The following SLC13A5 variants were observed in gnomAD, a reference collection of about 807,000 sequenced individuals.
The protein encoded by SLC13A5 is solute carrier family 13 member 5, also known as Na(+)/citrate cotransporter.
A neutral mutation model predicts 56.5 loss-of-function variants in SLC13A5; 25 were observed. The ratio of observed to expected loss-of-function variants is 0.44; its 90% confidence interval spans 0.32 to 0.62. SLC13A5 has a LOEUF of 0.62. Ranked by LOEUF, SLC13A5 falls within the 20% of genes least tolerant of loss-of-function variation. SLC13A5 has a pLI of 0.04. For missense variants in SLC13A5, 649 were observed against 737.8 expected (o/e 0.88, Z 1.39); for synonymous variants, 307 against 301.5 (o/e 1.02, Z -0.19).
chr17:6,708,454 T>C (rs1973930400), intron 1 of SLC13A5, among the ~76,000 whole-genome samples: 1 of 152,240 alleles, frequency 6.6e-6, no homozygotes, highest in South Asian at 2.1e-4. Flanking sequence ...TTAACATCAT[T>C]GATTGGTTTT....
At chr17:6,703,232 A>G in intron 4 of SLC13A5, 94 bp from the exon 5 acceptor site, 1 of 1,487,334 alleles carries the variant, frequency 6.7e-7, no homozygotes, top group Non-Finnish European at 9.2e-7. Flanking sequence ...AGGATTGGGA[A>G]ATCCCAGCTC....
At position 6,701,142 on chromosome 17, in the gene SLC13A5, G is replaced by A. The variant is rs558529852; in HGVS notation, c.717-16C>T. On this transcript the variant is annotated splice_polypyrimidine_tract_variant and intron_variant, in intron 5 of 11. Coordinates refer to ENST00000433363, the MANE Select transcript of SLC13A5 (RefSeq NM_177550.5). The surrounding 1 kb of genome is among the most constrained non-coding windows in gnomAD (Gnocchi z 4.1). ...AGGAAACAACCTACAAGAAGACACC[G>A]GCCCCCACCTCAGATGCTGAGCTGT... The A allele has an allele frequency of 5.2e-4, 845 of 1,613,136 alleles. 13 individuals carry two copies. In the South Asian group the frequency reaches 8.4e-3, roughly 16 times the overall value.
rs200900896 is a variant in SLC13A5, at chr17:6,693,178, A to AACACACACACACACACACACAC, written c.1157-38_1157-17dup. The AACACACACACACACACACACAC allele has an allele frequency of 4.3e-6, 3 of 697,882 alleles. No homozygotes were observed. The highest frequency in any genetic ancestry group is 4.6e-6 in the Non-Finnish European group (2 of 436,186). The allele number at this position is 697,882 out of a possible 1,614,324, so 43.2% of individuals were successfully genotyped here. A position where few individuals can be genotyped will look rare whatever the true frequency, so the allele number is the denominator to read the frequency against. ...GTTTTCCTTTCTGGGAAGAAAAAGA[A>AACACACACACACACACACACAC]ACACACACACACACACACACACACA... On this transcript the variant is annotated splice_polypyrimidine_tract_variant and intron_variant, in intron 8 of 11. Coordinates refer to ENST00000433363, the MANE Select transcript of SLC13A5 (RefSeq NM_177550.5).
At chr17:6,690,153 A>G (rs1219769600) in intron 10 of SLC13A5, 3 of 149,912 alleles carry the variant, frequency 2.0e-5, no homozygotes, top group African/African-American at 7.4e-5. Context: ...ACTCAAAAAC[A>G]TGCTAGTCCA....
chr17:6,704,457 A>T (rs1973811371), intron 3 of SLC13A5: 1 of 347,698 alleles, frequency 2.9e-6, no homozygotes, highest in Admixed American at 3.8e-5. Context: ...ATGTGCAGGC[A>T]GCCCCAGCTT....
intron 1 of SLC13A5, among the ~76,000 whole-genome samples, chr17:6,709,894 G>A (rs1035016278): frequency 6.6e-6 from 1 of 152,230 alleles, no homozygotes; most frequent in Non-Finnish European, 1.5e-5. Context: ...ACTGCAGGGT[G>A]TTTAGAGCAC....
rs1031137201 is a variant in SLC13A5, at chr17:6,685,970, G to A, written c.*237C>T. The A allele has an allele frequency of 9.1e-6, 5 of 551,476 alleles. No homozygotes were observed. Among genetic ancestry groups the A allele is most frequent in the African/African-American group, 3.8e-5 (2 of 53,232 alleles). The allele number at this position is 551,476 out of a possible 1,614,324, so 34.2% of individuals were successfully genotyped here. On this transcript the variant is annotated 3_prime_UTR_variant, in exon 12 of 12. Transcript: ENST00000433363. This position sits in a 1 kb window ranked among gnomAD's most constrained non-coding sequence, Gnocchi z 4.2. Reference sequence around the variant, plus strand: ...GATAATGGCAAGGCTTGGGAAAGATGGGTCCAGCAGCCCACTGAGGGGTTC... The same window carrying A: ...GATAATGGCAAGGCTTGGGAAAGATAGGTCCAGCAGCCCACTGAGGGGTTC...
chr17:6,686,607 A>G, intron 11 of SLC13A5: 1 of 401,010 alleles, frequency 2.5e-6, no homozygotes, highest in East Asian at 4.8e-5. Flanking sequence ...AGGAGGCAAC[A>G]GCTTAGGCCA....
At chr17:6,696,957 C>T (rs182795730) in intron 6 of SLC13A5, among the ~76,000 whole-genome samples, 83 of 152,222 alleles carry the variant, frequency 5.5e-4, no homozygotes, top group Non-Finnish European at 8.2e-4. Context: ...TGGCCTGGAA[C>T]ATGGGGACAC....
intron 10 of SLC13A5, chr17:6,688,604 A>C (rs927250514): frequency 6.6e-6 from 1 of 152,220 alleles, no homozygotes; most frequent in African/African-American, 2.4e-5. Flanking sequence ...CCCCGTCTCT[A>C]CTAAAAATAC....
At position 6,706,803 on chromosome 17, in the gene SLC13A5, T is replaced by C. The variant is rs537557532; in HGVS notation, c.232-25A>G. 3.5e-5 allele frequency: 57 copies of C among 1,613,142 alleles called. No homozygotes were observed. In the South Asian group the frequency reaches 6.0e-4, roughly 17 times the overall value. On this transcript the variant is annotated intron_variant, in intron 2 of 11. Transcript: ENST00000433363. ...CCTGGAGCGTGGCACGAAGGCCTCA[T>C]CAGGACTGTCCCTTGCCACACACTA...
chr17:6,708,406 C>T (rs8071662), intron 1 of SLC13A5, among the ~76,000 whole-genome samples: 2,178 of 152,324 alleles, frequency 0.014, 47 homozygotes, highest in African/African-American at 0.047. Context: ...ACAACCAGTG[C>T]GTGACTCGAA....
At chr17:6,689,455 T>C (rs1973336324) in intron 10 of SLC13A5, 1 of 152,264 alleles carries the variant, frequency 6.6e-6, no homozygotes, top group Non-Finnish European at 1.5e-5. Flanking sequence ...TTCCTGGTTC[T>C]AGAAAAGCCC....
Position 6,711,618 on chromosome 17 carries a change from GTGTGTT to G in SLC13A5, c.102+1608_102+1613del, listed in dbSNP as rs1212458642. ...TGTGTGTTTGTGCGTGTGTTTTTGT[GTGTGTT>G]TGTGTTTGTGCGTGTGTTTTGTGTG... is the stretch of plus-strand genomic sequence containing the variant. On this transcript the variant is annotated intron_variant, in intron 1 of 11. Transcript: ENST00000433363. This position sits in a 1 kb window ranked among gnomAD's most constrained non-coding sequence, Gnocchi z 4.0. Among the ~76,000 whole-genome samples the G allele has an allele frequency of 3.3e-5, 5 of 150,420 alleles. No homozygotes were observed. The highest frequency in any genetic ancestry group is 7.4e-5 in the Non-Finnish European group (5 of 67,548).
chr17:6,707,950 G>C (rs1229739043), intron 1 of SLC13A5, among the ~76,000 whole-genome samples: 1 of 146,894 alleles, frequency 6.8e-6, no homozygotes, highest in Non-Finnish European at 1.5e-5. Flanking sequence ...ACCTCCCTAG[G>C]TTGTTTTATG....
chr17:6,687,695 C>T lies in SLC13A5; in HGVS notation c.1438-29G>A, dbSNP rs752111177. 4.5e-6 allele frequency: 7 copies of T among 1,560,394 alleles called. No individual in the cohort carries two copies. The highest frequency in any genetic ancestry group is 1.2e-5 in the South Asian group (1 of 82,692). On this transcript the variant is annotated intron_variant, in intron 10 of 11. Transcript: ENST00000433363. This position sits in a 1 kb window ranked among gnomAD's most constrained non-coding sequence, Gnocchi z 5.0. ...CGGAAAAACAGCACTGCAACATCAC[C>T]GTACAGAACACAGAAGCTCTTGGGG...
intron 1 of SLC13A5, among the ~76,000 whole-genome samples, chr17:6,709,567 C>T (rs1973964579): frequency 6.6e-6 from 1 of 152,182 alleles, no homozygotes; most frequent in African/African-American, 2.4e-5. Context: ...TGTGCCCGGC[C>T]ATCTTTGCAA....
chr17:6,701,888 T>A lies in SLC13A5; in HGVS notation c.717-762A>T, dbSNP rs1044430633. 4.6e-5 allele frequency among the ~76,000 whole-genome samples: 7 copies of A among 152,010 alleles called. No individual in the cohort carries two copies. The highest frequency in any genetic ancestry group is 1.7e-4 in the African/African-American group (7 of 41,384). ...GAGCGGAGGCTGGAGGAGGGTCACT[T>A]CCACCACAGGCCCCGCCTCCCATCC... On this transcript the variant is annotated intron_variant, in intron 5 of 11. Transcript: ENST00000433363. The surrounding 1 kb of genome is among the most constrained non-coding windows in gnomAD (Gnocchi z 4.1).
chr17:6,691,133 C>A (rs1973396845), intron 9 of SLC13A5, among the ~76,000 whole-genome samples, 193 bp from the exon 10 acceptor site: 1 of 152,224 alleles, frequency 6.6e-6, no homozygotes, highest in African/African-American at 2.4e-5. Flanking sequence ...AGCCAGCTGG[C>A]CTACTATGTG....
Sources: allele counts gnomAD v4.1 joint callset (sites outside exome capture counted in the v4.1 genomes callset), GRCh38; gene constraint gnomAD v4.1.1; non-coding constraint Gnocchi (gnomAD v3.1); transcripts MANE v1.5; gene names NCBI Gene and HGNC (gene_info 2026-07-23, HGNC 2026-07-21).